Variants in APBB2 observed in about 807,000 individuals in gnomAD.
The protein encoded by APBB2 is amyloid beta precursor protein binding family B member 2, also known as Fe65-like 1.
In APBB2, 38 loss-of-function variants were observed where a neutral mutation model predicts 82.5. The observed-to-expected ratio is 0.46, with a 90% CI of 0.36 to 0.60. The LOEUF (loss-of-function observed/expected upper bound fraction) is 0.60, where lower values mean the gene tolerates loss of function less well. Ranked by LOEUF, APBB2 falls within the 20% of genes least tolerant of loss-of-function variation. APBB2 has a pLI of 0.00. For synonymous variants in APBB2, 341 were observed against 368.2 expected (o/e 0.93, Z 0.85); for missense variants, 772 against 972.3 (o/e 0.79, Z 2.74).
chr4:41,123,578 T>C (rs932690684), intron 2 of APBB2, among the ~76,000 whole-genome samples: 6 of 152,158 alleles, frequency 3.9e-5, no homozygotes, highest in African/African-American at 1.2e-4. Context: ...ACACCTGTAA[T>C]CCCAGCACTT....
At chr4:41,068,511 G>T (rs1378200087) in intron 3 of APBB2, among the ~76,000 whole-genome samples, 1 of 152,108 alleles carries the variant, frequency 6.6e-6, no homozygotes, top group Non-Finnish European at 1.5e-5. Flanking sequence ...CTGAGGACAT[G>T]GATCTTGAAA....
chr4:41,012,657 A>G (rs1808718827), intron 6 of APBB2, among the ~76,000 whole-genome samples: 1 of 152,122 alleles, frequency 6.6e-6, no homozygotes, highest in South Asian at 2.1e-4. Flanking sequence ...CGATTGTAAA[A>G]ATGTGATTTC....
At chr4:41,118,332 T>C (rs1751744551) in intron 2 of APBB2, 1 of 152,032 alleles carries the variant, frequency 6.6e-6, no homozygotes, top group South Asian at 2.1e-4. Flanking sequence ...AGGAACAGAG[T>C]CACTAGTCGT....
chr4:41,188,122 A>AG (rs1457401026), intron 1 of APBB2, among the ~76,000 whole-genome samples: 3 of 152,168 alleles, frequency 2.0e-5, no homozygotes, highest in Non-Finnish European at 4.4e-5. Context: ...TTTCTATTCT[A>AG]GGGGAACATG....
At chr4:41,131,203 G>A (rs1460894446) in intron 2 of APBB2, among the ~76,000 whole-genome samples, 1 of 152,186 alleles carries the variant, frequency 6.6e-6, no homozygotes, top group Non-Finnish European at 1.5e-5. Context: ...GAGAAGCTGA[G>A]CAGTAGCTGT....
At chr4:41,015,352 A>G (rs573959361) in intron 5 of APBB2, among the ~76,000 whole-genome samples, 1 of 152,358 alleles carries the variant, frequency 6.6e-6, no homozygotes, top group South Asian at 2.1e-4. Flanking sequence ...TCAATCTATG[A>G]GGAGTGACTT....
chr4:41,063,494 T>G (rs1730567252), intron 4 of APBB2, among the ~76,000 whole-genome samples: 1 of 152,168 alleles, frequency 6.6e-6, no homozygotes, highest in African/African-American at 2.4e-5. Context: ...GCTAACAATA[T>G]CTGAAAATAT....
At chr4:41,040,620 A>G (rs1485971041) in intron 4 of APBB2, among the ~76,000 whole-genome samples, 1 of 152,218 alleles carries the variant, frequency 6.6e-6, no homozygotes, top group African/African-American at 2.4e-5. Flanking sequence ...CCTCTAAAAA[A>G]GAGGCTCAAA....
intron 3 of APBB2, among the ~76,000 whole-genome samples, chr4:41,072,344 C>T (rs1734179118): frequency 6.6e-6 from 1 of 152,214 alleles, no homozygotes; most frequent in African/African-American, 2.4e-5. Context: ...TTCCTCTACT[C>T]AAAGGCAGAT....
At position 41,061,980 on chromosome 4, in the gene APBB2, T is replaced by C. The variant is rs1033161608; in HGVS notation, c.-51+3596A>G. Among the ~76,000 whole-genome samples, 12 of 152,302 alleles carry C rather than the reference T, an allele frequency of 7.9e-5. No individual in the cohort carries two copies. In the East Asian group the frequency reaches 2.1e-3, roughly 27 times the overall value. On this transcript the variant is annotated intron_variant, in intron 4 of 17. Transcript: ENST00000508593. ...TTGCTGTTGTTTTTTACTGAAATCGTTTCCCTTCTCCAGGGAACAGTTGTG... is the reference window on the plus strand; with the variant it reads ...TTGCTGTTGTTTTTTACTGAAATCGCTTCCCTTCTCCAGGGAACAGTTGTG...
intron 6 of APBB2, among the ~76,000 whole-genome samples, chr4:40,964,886 C>T (rs1254673378): frequency 2.6e-5 from 4 of 151,584 alleles, no homozygotes; most frequent in Non-Finnish European, 5.9e-5. Context: ...TTTGGGAGGC[C>T]AAGGCGGGCA....
intron 4 of APBB2, among the ~76,000 whole-genome samples, chr4:41,043,490 T>C (rs1983151): frequency 0.061 from 9,331 of 152,272 alleles, 953 homozygotes; most frequent in African/African-American, 0.21. Context: ...AGGCAGTATG[T>C]ATAGTGTCAT....
chr4:41,048,926 C>T (rs112484053), intron 4 of APBB2, among the ~76,000 whole-genome samples: 12,198 of 152,128 alleles, frequency 0.08, 1,578 homozygotes, highest in African/African-American at 0.28. Context: ...CTACCAGCCT[C>T]GGTGCCGGGA....
At chr4:41,014,957 A>C (rs115658040) in intron 5 of APBB2, among the ~76,000 whole-genome samples, 1,914 of 152,298 alleles carry the variant, frequency 0.013, 23 homozygotes, top group Middle Eastern at 0.024. Context: ...AGAGTTTGCT[A>C]ATGTCTTGGT....
chr4:40,872,270 C>A (rs1299966150), intron 12 of APBB2, among the ~76,000 whole-genome samples: 1 of 152,188 alleles, frequency 6.6e-6, no homozygotes, highest in Non-Finnish European at 1.5e-5. Context: ...GGACTTTTAG[C>A]AGAAAGAATT....
At chr4:40,862,152 G>A (rs1762907317) in intron 12 of APBB2, among the ~76,000 whole-genome samples, 1 of 152,190 alleles carries the variant, frequency 6.6e-6, no homozygotes, top group Non-Finnish European at 1.5e-5. Flanking sequence ...ACGTGCAACA[G>A]CCATAATCCA....
chr4:41,105,752 A>G (rs986763365), intron 2 of APBB2, among the ~76,000 whole-genome samples: 239 of 152,150 alleles, frequency 1.6e-3, no homozygotes, highest in Non-Finnish European at 6.9e-4. Context: ...CAGGTGTGGT[A>G]GCGGGCGCCT....
intron 12 of APBB2, among the ~76,000 whole-genome samples, chr4:40,845,428 G>C (rs1483275281): frequency 6.6e-6 from 1 of 151,980 alleles, no homozygotes; most frequent in African/African-American, 2.4e-5. Flanking sequence ...AATTCCACAT[G>C]AGCCGCACAT....
intron 4 of APBB2, among the ~76,000 whole-genome samples, chr4:41,062,096 C>T (rs1293989583): frequency 6.6e-6 from 1 of 152,194 alleles, no homozygotes; most frequent in African/African-American, 2.4e-5. Context: ...CTAAGGTTAA[C>T]ATTTCTTTCT....
Sources: gnomAD v4.1 joint callset for allele counts (sites outside exome capture counted in the v4.1 genomes callset) on GRCh38, gnomAD v4.1.1 for gene constraint, MANE v1.5 for transcripts, NCBI Gene and HGNC (gene_info 2026-07-23, HGNC 2026-07-21) for gene names.